The following MCM9 variants were observed in gnomAD, a reference collection of about 807,000 sequenced individuals.
MCM9 encodes DNA helicase MCM9.
Under a neutral mutation model 72.8 loss-of-function variants are expected in MCM9, and 55 were observed. The observed-to-expected ratio is 0.76, with a 90% CI of 0.61 to 0.95. MCM9 has a LOEUF of 0.95. MCM9 is among the 40% of genes least tolerant of loss of function. The pLI is 0.00. For missense variants in MCM9, 1,279 were observed against 1,377.0 expected (o/e 0.93, Z 1.13); for synonymous variants, 480 against 503.4 (o/e 0.95, Z 0.62).
intron 8 of MCM9, chr6:118,900,651 TGAG>T: frequency 1.4e-6 from 1 of 740,002 alleles, no homozygotes; most frequent in Non-Finnish European, 2.4e-6. Context: ...TGGATTGCTA[TGAG>T]AAGCCAATTT....
At chr6:118,925,721 T>A (rs559325983) in intron 3 of MCM9, among the ~76,000 whole-genome samples, 1 of 152,268 alleles carries the variant, frequency 6.6e-6, no homozygotes, top group East Asian at 1.9e-4. Context: ...TCAGATTGCA[T>A]CACATTTTGC....
intron 8 of MCM9, among the ~76,000 whole-genome samples, chr6:118,892,964 C>A (rs1779046812): frequency 6.6e-6 from 1 of 152,156 alleles, no homozygotes; most frequent in Non-Finnish European, 1.5e-5. Flanking sequence ...GGGCACTATA[C>A]TAAGAGAAAA....
chr6:118,838,295 T>C (rs1275762366), intron 9 of MCM9, among the ~76,000 whole-genome samples: 2 of 152,096 alleles, frequency 1.3e-5, no homozygotes, highest in East Asian at 1.9e-4. Context: ...CCTGAGTAGA[T>C]GGGACTACAG....
At chr6:118,921,779 G>C (rs1031404677) in intron 5 of MCM9, 10 of 395,100 alleles carry the variant, frequency 2.5e-5, no homozygotes, top group Admixed American at 9.1e-5. Flanking sequence ...AGACAAGTCA[G>C]GTTCTTCATT....
chr6:118,825,178 T>C (rs1210878638), intron 13 of MCM9, among the ~76,000 whole-genome samples: 2 of 152,022 alleles, frequency 1.3e-5, no homozygotes, highest in African/African-American at 4.8e-5. Flanking sequence ...ATCAGCTACA[T>C]CAAATCATAA....
At chr6:118,887,171 G>A (rs988250675) in intron 8 of MCM9, among the ~76,000 whole-genome samples, 3 of 152,042 alleles carry the variant, frequency 2.0e-5, no homozygotes, top group Non-Finnish European at 4.4e-5. Flanking sequence ...TTCAAGGGAT[G>A]CAAAATAGCC....
chr6:118,878,026 G>T (rs1192217408), intron 8 of MCM9, among the ~76,000 whole-genome samples: 1 of 152,086 alleles, frequency 6.6e-6, no homozygotes, highest in Non-Finnish European at 1.5e-5. Flanking sequence ...GCAAGGCATG[G>T]TGGTGCATGA....
chr6:118,818,777 A>G (rs1773584678), intron 13 of MCM9, among the ~76,000 whole-genome samples: 1 of 152,156 alleles, frequency 6.6e-6, no homozygotes. Flanking sequence ...ATGTTTTTCC[A>G]TTTGTTTGTA....
chr6:118,826,171 C>A lies in MCM9; in HGVS notation c.1937G>T (p.Ser646Ile). Reference sequence around the variant, plus strand: ...CCTTTCAAGTCTTCTAAGCTCTTCACTCAAGAGGCTCTGCAGCTCTAGCTT... The same window carrying A: ...CCTTTCAAGTCTTCTAAGCTCTTCAATCAAGAGGCTCTGCAGCTCTAGCTT... ...LEKLELQSLL[S>I]EELRRLERLQ... The change falls in exon 13 of 14, where the codon AGT becomes ATT. Residue 646 changes from serine to isoleucine, a missense_variant. By Grantham distance (142) the Ser-to-Ile change is moderately radical (BLOSUM62 -2). Transcript: ENST00000619706. 6.4e-7 allele frequency: 1 copy of A among 1,550,420 alleles called. No homozygotes were observed. Among genetic ancestry groups the A allele is most frequent in the South Asian group, 1.2e-5 (1 of 84,044 alleles).
At chr6:118,907,659 C>G in intron 8 of MCM9, 1 of 1,466,776 alleles carries the variant, frequency 6.8e-7, no homozygotes, top group Non-Finnish European at 9.5e-7. Flanking sequence ...TAAAAATACA[C>G]AGAACTATTT....
chr6:118,916,432 CATTATTATTATTATTATT>C (rs60745084), intron 6 of MCM9, among the ~76,000 whole-genome samples: 18 of 142,380 alleles, frequency 1.3e-4, no homozygotes, highest in Middle Eastern at 3.7e-3. Flanking sequence ...GAAATGGAAG[CATTATTATTATTATTATT>C]ATTATTATTA....
At position 118,924,093 on chromosome 6, in the gene MCM9, G is replaced by A; in HGVS notation, c.339C>T (p.His113=). 6.2e-7 allele frequency: 1 copy of A among 1,614,120 alleles called. No individual in the cohort carries two copies. ...LPVCPELVRE[H]IPKTKDVGHF... ...GTCCCACATCCTTGGTTTTAGGTAT[G>A]TGTTCCCTCACCAGCTCAGGACAGA... The change falls in exon 4 of 14, where the codon CAC becomes CAT. Residue 113 remains histidine, a synonymous_variant. Coordinates refer to ENST00000619706, the MANE Select transcript of MCM9 (RefSeq NM_017696.3).
Position 118,856,388 on chromosome 6 carries a change from T to C in MCM9, c.1308A>G (p.Ile436Met). The C allele has an allele frequency of 6.5e-7, 1 of 1,535,146 alleles. No homozygotes were observed. Among genetic ancestry groups the C allele is most frequent in the Non-Finnish European group, 8.7e-7 (1 of 1,146,728 alleles). Residue 436 changes from isoleucine to methionine, a missense_variant, in exon 9 of 14, where the codon ATA (isoleucine) becomes ATG (methionine). Transcript: ENST00000619706. Reference protein sequence around the residue: ...SIHEAMEQQTISVAKAGLVCK... With the variant: ...SIHEAMEQQTMSVAKAGLVCK... ...ACTCTTACCCAGCCTTAGCAACACT[T>C]ATGGTTTGTTGCTCCATTGCTTCAT...
intron 6 of MCM9, among the ~76,000 whole-genome samples, chr6:118,917,072 ACAGT>A (rs1368644546): frequency 6.6e-6 from 1 of 152,190 alleles, no homozygotes; most frequent in East Asian, 1.9e-4. Context: ...CCTGAATGTC[ACAGT>A]CAAAATTTTT....
At chr6:118,842,737 C>G (rs1243523696) in intron 9 of MCM9, among the ~76,000 whole-genome samples, 1 of 152,062 alleles carries the variant, frequency 6.6e-6, no homozygotes, top group Non-Finnish European at 1.5e-5. Flanking sequence ...CCAGGTTGGT[C>G]TTGAACTACG....
Position 118,869,948 on chromosome 6 carries a change from G to A in MCM9, c.1151-13403C>T, listed in dbSNP as rs138640774. ...AAGAACGGTATCCATCCATCAAGAG[G>A]GTAAAACAACTGTAAATATATATGC... is the stretch of plus-strand genomic sequence containing the variant. On this transcript the variant is annotated intron_variant, in intron 8 of 13. Coordinates refer to ENST00000619706, the MANE Select transcript of MCM9 (RefSeq NM_017696.3). Among the ~76,000 whole-genome samples, 277 of 152,014 alleles carry A rather than the reference G, an allele frequency of 1.8e-3. 1 individual carries two copies. The highest frequency in any genetic ancestry group is 0.01 in the South Asian group (50 of 4,822).
chr6:118,858,294 T>C (rs1776691297), intron 8 of MCM9, among the ~76,000 whole-genome samples: 2 of 152,146 alleles, frequency 1.3e-5, no homozygotes, highest in Non-Finnish European at 1.5e-5. Context: ...AGAAAATACA[T>C]TTCACAAAAC....
At position 118,855,452 on chromosome 6, in the gene MCM9, G is replaced by A. The variant is rs138259645; in HGVS notation, c.1325+919C>T. ...TAATGAGTATATATATTTAGTGAACGAACAAATGAATAGGTCTAATAGTTC... is the reference window on the plus strand; with the variant it reads ...TAATGAGTATATATATTTAGTGAACAAACAAATGAATAGGTCTAATAGTTC... On this transcript the variant is annotated intron_variant, in intron 9 of 13. Coordinates refer to ENST00000619706, the MANE Select transcript of MCM9 (RefSeq NM_017696.3). 9.5e-3 allele frequency among the ~76,000 whole-genome samples: 1,441 copies of A among 152,088 alleles called. 17 individuals are homozygous for A. Among genetic ancestry groups the A allele is most frequent in the African/African-American group, 0.033 (1,350 of 41,474 alleles).
Position 118,885,155 on chromosome 6 carries a change from C to G in MCM9, c.1150+26495G>C, listed in dbSNP as rs146119238. Among the ~76,000 whole-genome samples, 889 of 152,060 alleles carry G rather than the reference C, an allele frequency of 5.8e-3. 5 individuals are homozygous for G. The highest frequency in any genetic ancestry group is 0.013 in the South Asian group (63 of 4,824). ...AGCTTACAGTGAGCTGAGATTGCGC[C>G]GCTGCACTCCAGCATGGGAGACAGA... On this transcript the variant is annotated intron_variant, in intron 8 of 13. Coordinates refer to ENST00000619706, the MANE Select transcript of MCM9 (RefSeq NM_017696.3).
Sources: gnomAD v4.1 joint callset for allele counts (sites outside exome capture counted in the v4.1 genomes callset) on GRCh38, gnomAD v4.1.1 for gene constraint, MANE v1.5 for transcripts, NCBI Gene and HGNC (gene_info 2026-07-23, HGNC 2026-07-21) for gene names.